DNAH14: variants seen among roughly 807,000 people sequenced by gnomAD.
DNAH14 encodes dynein axonemal heavy chain 14, also known as axonemal beta dynein heavy chain 14.
A neutral mutation model predicts 520.9 loss-of-function variants in DNAH14; 478 were observed. The ratio of observed to expected loss-of-function variants is 0.92; its 90% CI spans 0.85 to 0.99. The LOEUF (loss-of-function observed/expected upper bound fraction) is 0.99. Ranked by LOEUF, DNAH14 falls within the 50% of genes least tolerant of loss-of-function variation. The pLI, the probability that DNAH14 is intolerant of heterozygous loss-of-function variation, is 0.00. For synonymous variants in DNAH14, 1,581 were observed against 1,757.2 expected (o/e 0.90, Z 2.51); for missense variants, 4,831 against 5,234.5 (o/e 0.92, Z 2.38).
intron 27 of DNAH14, among the ~76,000 whole-genome samples, chr1:225,125,672 C>G (rs2077659284): frequency 6.6e-6 from 1 of 152,122 alleles, no homozygotes; most frequent in African/African-American, 2.4e-5. Flanking sequence ...AAAATTTTCT[C>G]CAAAACAGCA....
At chr1:225,024,033 C>T (rs2065911261) in intron 11 of DNAH14, 168 bp downstream of exon 11, 3 of 1,215,480 alleles carry the variant, frequency 2.5e-6, no homozygotes, top group Non-Finnish European at 3.1e-6. Context: ...TTGGTAATAC[C>T]TTACTTAATA....
chr1:225,276,712 A>G (rs1230931563), intron 53 of DNAH14, among the ~76,000 whole-genome samples: 2 of 151,388 alleles, frequency 1.3e-5, no homozygotes, highest in African/African-American at 2.4e-5. Flanking sequence ...AGTCTGGTCA[A>G]CATAATGAAA....
At chr1:225,254,842 G>C (rs2092682639) in intron 44 of DNAH14, among the ~76,000 whole-genome samples, 1 of 152,160 alleles carries the variant, frequency 6.6e-6, no homozygotes, top group Non-Finnish European at 1.5e-5. Context: ...AACAGCAAAG[G>C]TCAAATTGAG....
At chr1:224,986,417 C>T (rs933127309) in intron 8 of DNAH14, among the ~76,000 whole-genome samples, 3 of 150,984 alleles carry the variant, frequency 2.0e-5, no homozygotes, top group Non-Finnish European at 4.4e-5. Flanking sequence ...AATTCAACAG[C>T]ATATTAAAAA....
intron 8 of DNAH14, among the ~76,000 whole-genome samples, chr1:224,980,138 C>G (rs544545739): frequency 6.6e-6 from 1 of 152,118 alleles, no homozygotes; most frequent in Admixed American, 6.5e-5. Context: ...TTGTCTTGCA[C>G]CTTAGGTACT....
chr1:224,983,663 A>AGCACT (rs2125708167), intron 8 of DNAH14, among the ~76,000 whole-genome samples: 1 of 152,300 alleles, frequency 6.6e-6, no homozygotes, highest in East Asian at 1.9e-4. Context: ...GTACTCCTCC[A>AGCACT]GAAAGCTCCT....
intron 17 of DNAH14, among the ~76,000 whole-genome samples, chr1:225,076,778 A>C (rs576979025): frequency 3.4e-4 from 51 of 151,988 alleles, no homozygotes; most frequent in Middle Eastern, 3.4e-3. Flanking sequence ...TCCCTTTGTA[A>C]GGTTAAATAA....
intron 71 of DNAH14, among the ~76,000 whole-genome samples, chr1:225,348,657 TTTC>T (rs2095321492): frequency 6.6e-6 from 1 of 152,068 alleles, no homozygotes; most frequent in Non-Finnish European, 1.5e-5. Context: ...AAAATTAAGG[TTTC>T]TCAGATAAAC....
chr1:225,387,324 A>G (rs1409815205), intron 81 of DNAH14, among the ~76,000 whole-genome samples: 4 of 152,184 alleles, frequency 2.6e-5, no homozygotes, highest in Non-Finnish European at 5.9e-5. Flanking sequence ...AACATGGCAC[A>G]TGTATACATA....
chr1:225,006,939 T>C (rs1319719933), intron 9 of DNAH14, among the ~76,000 whole-genome samples: 1 of 152,138 alleles, frequency 6.6e-6, no homozygotes, highest in African/African-American at 2.4e-5. Flanking sequence ...AGCTGTAAAA[T>C]TTCTCTCTTT....
At chr1:225,175,398 G>A (rs1194832506) in intron 36 of DNAH14, among the ~76,000 whole-genome samples, 2 of 152,018 alleles carry the variant, frequency 1.3e-5, no homozygotes, top group Non-Finnish European at 2.9e-5. Flanking sequence ...CAATATATCA[G>A]TTTCTTCTAG....
chr1:225,094,656 C>CAAAA (rs760828776), intron 21 of DNAH14, among the ~76,000 whole-genome samples: 113 of 77,748 alleles, frequency 1.5e-3, no homozygotes, highest in Middle Eastern at 0.02. Flanking sequence ...TTCTGCACAG[C>CAAAA]AAAAAAAAAA....
intron 17 of DNAH14, among the ~76,000 whole-genome samples, chr1:225,052,803 A>G (rs1180488319): frequency 6.6e-6 from 1 of 152,220 alleles, no homozygotes; most frequent in African/African-American, 2.4e-5. Flanking sequence ...TACGACAGAA[A>G]GCAAAAGGTA....
intron 32 of DNAH14, 148 bp downstream of exon 32, chr1:225,152,221 T>C: frequency 1.5e-6 from 1 of 658,260 alleles, no homozygotes; most frequent in Non-Finnish European, 2.6e-6. Context: ...ACACCATTTA[T>C]GAACAGCTGC....
intron 23 of DNAH14, among the ~76,000 whole-genome samples, chr1:225,102,038 C>A (rs1573081484): frequency 8.3e-6 from 1 of 119,858 alleles, no homozygotes; most frequent in Non-Finnish European, 1.7e-5. Context: ...GCTATCCCTC[C>A]CCCTCCCCCC....
At chr1:224,930,088 C>G (rs1406056441) in intron 1 of DNAH14, among the ~76,000 whole-genome samples, 1 of 152,222 alleles carries the variant, frequency 6.6e-6, no homozygotes, top group Non-Finnish European at 1.5e-5. Flanking sequence ...CGAGGTTCTT[C>G]TTAGTTGCTC....
At position 225,100,735 on chromosome 1, in the gene DNAH14, C is replaced by T; in HGVS notation, c.3718C>T (p.Leu1240Phe). 6.6e-7 allele frequency: 1 copy of T among 1,512,246 alleles called. No homozygotes were observed. The highest frequency in any genetic ancestry group is 8.8e-7 in the Non-Finnish European group (1 of 1,134,756). 93.7% of individuals were successfully genotyped at this position (1,512,246 alleles called of 1,614,324 possible). A position where few individuals can be genotyped will look rare whatever the true frequency, so the allele number is the denominator to read the frequency against. The change falls in exon 23 of 86, where the codon CTT (leucine) becomes TTT (phenylalanine). Residue 1240 changes from leucine to phenylalanine, a missense_variant. Coordinates refer to ENST00000682510, the MANE Select transcript of DNAH14 (RefSeq NM_001367479.1). The stretch of plus-strand genomic sequence containing the variant: ...AAGGCAACTCCCAGCAGAAACAGAA[C>T]TTTTCTCTCAAGTGATTTCCATGTG... ...IRRQLPAETE[L>F]FSQVISMWKK...
intron 1 of DNAH14, among the ~76,000 whole-genome samples, chr1:224,931,605 G>C (rs1055737217): frequency 6.6e-6 from 1 of 152,082 alleles, no homozygotes; most frequent in Non-Finnish European, 1.5e-5. Flanking sequence ...CTCAGTCCGT[G>C]TTATCTATTT....
At chr1:225,076,473 T>C (rs1018903018) in intron 17 of DNAH14, among the ~76,000 whole-genome samples, 1 of 152,200 alleles carries the variant, frequency 6.6e-6, no homozygotes, top group African/African-American at 2.4e-5. Flanking sequence ...GAAGGTACTT[T>C]TGTACATGGA....
Sources: allele counts gnomAD v4.1 joint callset (sites outside exome capture counted in the v4.1 genomes callset), GRCh38; gene constraint gnomAD v4.1.1; transcripts MANE v1.5; gene names NCBI Gene and HGNC (gene_info 2026-07-23, HGNC 2026-07-21).